VPS41: variants seen among roughly 807,000 people sequenced by gnomAD.
The protein encoded by VPS41 is VPS41 subunit of HOPS complex.
A neutral mutation model predicts 130.9 loss-of-function variants in VPS41; 85 were observed. The observed-to-expected ratio is 0.65, with a 90% CI of 0.55 to 0.78. The LOEUF (loss-of-function observed/expected upper bound fraction) is 0.78, where lower values mean the gene tolerates loss of function less well. Ranked by LOEUF, VPS41 falls within the 30% of genes least tolerant of loss-of-function variation. The pLI, the probability that VPS41 is intolerant of heterozygous loss-of-function variation, is 0.00. For missense variants in VPS41, 874 were observed against 1,018.7 expected, an observed-to-expected ratio of 0.86 and a Z score of 1.93; for synonymous variants, 335 against 332.9, an observed-to-expected ratio of 1.01 and a Z score of -0.07.
In VPS41 at chr7:38,909,141, C is replaced by G. The variant is rs1787332453; in HGVS notation, c.21+13G>C. 6.2e-7 allele frequency: 1 copy of G among 1,614,240 alleles called. No individual in the cohort carries two copies. Among genetic ancestry groups the G allele is most frequent in the East Asian group, 2.2e-5 (1 of 44,880 alleles). ...ATATCCCTGTGCCCTCAACTACCAC[C>G]TGCACCCTTTACCTGCTCCTCTGCT... On this transcript the variant is annotated intron_variant, in intron 1 of 28. Transcript: ENST00000310301.
chr7:38,806,979 A>C (rs1784850769), intron 7 of VPS41, among the ~76,000 whole-genome samples: 1 of 152,234 alleles, frequency 6.6e-6, no homozygotes, highest in South Asian at 2.1e-4. Context: ...GTCTGAATGC[A>C]AACAAGACAT....
At chr7:38,869,023 A>G (rs1424570765) in intron 3 of VPS41, 123 bp downstream of exon 3, 1 of 685,172 alleles carries the variant, frequency 1.5e-6, no homozygotes, top group Non-Finnish European at 2.5e-6. Context: ...GGAGGAAGAG[A>G]GCAGTGGCAA....
chr7:38,736,378 G>C (rs956505249), intron 25 of VPS41, among the ~76,000 whole-genome samples: 1 of 152,240 alleles, frequency 6.6e-6, no homozygotes, highest in Non-Finnish European at 1.5e-5. Context: ...TGTGCAGCCA[G>C]ACTTCACAAA....
At chr7:38,764,396 T>C (rs1160426082) in intron 16 of VPS41, among the ~76,000 whole-genome samples, 1 of 152,056 alleles carries the variant, frequency 6.6e-6, no homozygotes, top group Non-Finnish European at 1.5e-5. Context: ...GAGGTGAGGC[T>C]GGAGAGGAAG....
chr7:38,862,823 G>C (rs1040990824), intron 3 of VPS41, among the ~76,000 whole-genome samples: 4 of 152,182 alleles, frequency 2.6e-5, no homozygotes, highest in African/African-American at 9.7e-5. Context: ...GATAGTGCAA[G>C]CCAGCTGTCA....
At chr7:38,868,374 GT>G (rs1247196896) in intron 3 of VPS41, among the ~76,000 whole-genome samples, 1 of 152,198 alleles carries the variant, frequency 6.6e-6, no homozygotes, top group Non-Finnish European at 1.5e-5. Flanking sequence ...AAAATTTGAA[GT>G]AAAAAGGAAC....
intron 1 of VPS41, among the ~76,000 whole-genome samples, chr7:38,902,999 G>A (rs1407307887): frequency 2.0e-5 from 3 of 151,740 alleles, no homozygotes; most frequent in Non-Finnish European, 2.9e-5. Context: ...TGCTGGTGAT[G>A]ATGATGAGAC....
intron 7 of VPS41, among the ~76,000 whole-genome samples, chr7:38,814,190 T>C (rs1381092345): frequency 1.3e-5 from 2 of 152,152 alleles, no homozygotes; most frequent in Non-Finnish European, 2.9e-5. Flanking sequence ...GCAAATGATA[T>C]CAAATGCTAA....
intron 7 of VPS41, among the ~76,000 whole-genome samples, chr7:38,813,390 C>T (rs945684083): frequency 7.9e-5 from 12 of 152,030 alleles, no homozygotes; most frequent in African/African-American, 2.4e-4. Context: ...GGAGTGACTG[C>T]TAATAGGTGC....
At chr7:38,890,462 A>C (rs1786836177) in intron 2 of VPS41, among the ~76,000 whole-genome samples, 3 of 152,158 alleles carry the variant, frequency 2.0e-5, no homozygotes, top group Admixed American at 2.0e-4. Flanking sequence ...ACTGCAGTGG[A>C]GTGGTGGTTA....
At chr7:38,906,919 G>A (rs1787280592) in intron 1 of VPS41, among the ~76,000 whole-genome samples, 1 of 152,134 alleles carries the variant, frequency 6.6e-6, no homozygotes, top group South Asian at 2.1e-4. Context: ...CGTTACTCAA[G>A]TTGCCTGAAT....
At chr7:38,814,745 A>C (rs982726611) in intron 7 of VPS41, among the ~76,000 whole-genome samples, 1 of 152,220 alleles carries the variant, frequency 6.6e-6, no homozygotes, top group African/African-American at 2.4e-5. Context: ...CAACACTCAT[A>C]TTATCTCTGG....
intron 4 of VPS41, among the ~76,000 whole-genome samples, chr7:38,861,079 GA>G (rs1007554421): frequency 6.6e-6 from 1 of 152,106 alleles, no homozygotes; most frequent in African/African-American, 2.4e-5. Flanking sequence ...CCTGAAAGAG[GA>G]TGGATGTAGG....
chr7:38,863,305 A>G (rs912016046), intron 3 of VPS41, among the ~76,000 whole-genome samples: 1 of 152,238 alleles, frequency 6.6e-6, no homozygotes, highest in African/African-American at 2.4e-5. Flanking sequence ...GTAAACCAGA[A>G]GAAACTTTAG....
At chr7:38,773,029 TTCA>T (rs1202264811) in intron 12 of VPS41, among the ~76,000 whole-genome samples, 1 of 152,200 alleles carries the variant, frequency 6.6e-6, no homozygotes, top group Non-Finnish European at 1.5e-5. Flanking sequence ...CATATTAGAA[TTCA>T]TCTACTGTAT....
intron 18 of VPS41, among the ~76,000 whole-genome samples, chr7:38,757,844 C>A (rs1210243304): frequency 2.0e-5 from 3 of 152,104 alleles, no homozygotes; most frequent in Non-Finnish European, 4.4e-5. Flanking sequence ...GCGTCTCGCA[C>A]AAAGCCTGCA....
At chr7:38,818,666 G>A (rs888680231) in intron 6 of VPS41, among the ~76,000 whole-genome samples, 13 of 152,176 alleles carry the variant, frequency 8.5e-5, no homozygotes, top group Admixed American at 6.5e-4. Context: ...TGTTGTGGCT[G>A]TAAGCTTGCA....
intron 2 of VPS41, among the ~76,000 whole-genome samples, chr7:38,875,771 G>A (rs1008508340): frequency 2.0e-5 from 3 of 152,180 alleles, no homozygotes; most frequent in African/African-American, 7.2e-5. Context: ...CTTTCCATCA[G>A]ACTGCTGAGA....
At chr7:38,865,511 C>A (rs1261270438) in intron 3 of VPS41, among the ~76,000 whole-genome samples, 2 of 151,766 alleles carry the variant, frequency 1.3e-5, no homozygotes, top group Middle Eastern at 3.2e-3. Flanking sequence ...ATGAGGGAAA[C>A]AGACATAAAA....
Sources: gnomAD v4.1 joint callset for allele counts (sites outside exome capture counted in the v4.1 genomes callset) on GRCh38, gnomAD v4.1.1 for gene constraint, MANE v1.5 for transcripts, NCBI Gene and HGNC (gene_info 2026-07-23, HGNC 2026-07-21) for gene names.